The following UMPS variants were observed in gnomAD, a reference collection of about 807,000 sequenced individuals.
The protein encoded by UMPS is uridine 5'-monophosphate synthase.
UMPS carries 21 observed loss-of-function variants against 38.9 expected under a neutral mutation model. The ratio of observed to expected loss-of-function variants is 0.54; its 90% CI spans 0.38 to 0.78. The LOEUF (loss-of-function observed/expected upper bound fraction) is 0.78, where lower values mean the gene tolerates loss of function less well. Among genes scored for constraint, UMPS ranks in the 30% least tolerant of loss-of-function variants. The pLI is 0.00. For synonymous variants in UMPS, 208 were observed against 219.3 expected (o/e 0.95, Z 0.45); for missense variants, 533 against 591.6 (o/e 0.90, Z 1.03).
chr3:124,738,435 CT>C (rs2063533301), intron 3 of UMPS, 196 bp downstream of exon 3: 4 of 607,866 alleles, frequency 6.6e-6, no homozygotes, highest in Non-Finnish European at 1.2e-5. Flanking sequence ...CTGTTGACTT[CT>C]TTCTCAGGTA....
intron 2 of UMPS, 144 bp from the exon 3 acceptor site, chr3:124,737,424 A>G (rs1579130562): frequency 4.1e-6 from 3 of 731,420 alleles, no homozygotes; most frequent in East Asian, 2.6e-5. Flanking sequence ...TGTATGTGCA[A>G]CTAGCAAGTT....
chr3:124,736,292 TTAATGA>T (rs575105294), intron 2 of UMPS, among the ~76,000 whole-genome samples: 30 of 152,210 alleles, frequency 2.0e-4, no homozygotes, highest in African/African-American at 7.2e-4. Context: ...AAAAGCAATC[TTAATGA>T]TAGTAAGGAA....
Position 124,747,176 on chromosome 3 carries a change from C to T in UMPS, c.*3092C>T, listed in dbSNP as rs1184244243. ...AGTGGCTGGAACTACAGGCGTGCAC[C>T]ACCACAGCTGGTTAATTTTTAAAAT... On this transcript the variant is annotated 3_prime_UTR_variant, in exon 6 of 6. Transcript: ENST00000232607. The T allele has an allele frequency of 4.4e-6, 2 of 453,692 alleles. No individual in the cohort carries two copies. The highest frequency in any genetic ancestry group is 8.8e-6 in the Non-Finnish European group (2 of 226,588). The allele number at this position is 453,692 out of a possible 1,614,324, so 28.1% of individuals were successfully genotyped here.
In UMPS at chr3:124,744,972, A is replaced by G. The variant is rs1234228210; in HGVS notation, c.*888A>G. The G allele has an allele frequency of 1.1e-5, 5 of 453,932 alleles. No homozygotes were observed. The highest frequency in any genetic ancestry group is 8.0e-5 in the African/African-American group (4 of 49,988). The allele number at this position is 453,932 out of a possible 1,614,324, so 28.1% of individuals were successfully genotyped here. The stretch of plus-strand genomic sequence containing the variant: ...GCTCCTGAGCTAGTATCTGGCTGTT[A>G]TTTCAACAACCGGAGTTGGGGTTTG... On this transcript the variant is annotated 3_prime_UTR_variant, in exon 6 of 6. Coordinates refer to ENST00000232607, the MANE Select transcript of UMPS (RefSeq NM_000373.4).
intron 1 of UMPS, chr3:124,732,310 G>A (rs2063485306): frequency 6.5e-6 from 1 of 153,426 alleles, no homozygotes; most frequent in African/African-American, 2.4e-5. Context: ...GCGGCCAGAA[G>A]CAATAATTAA....
At chr3:124,735,297 A>T in intron 2 of UMPS, 51 bp downstream of exon 2, 1 of 1,541,786 alleles carries the variant, frequency 6.5e-7, no homozygotes, top group Non-Finnish European at 8.9e-7. Context: ...GTAACATCAT[A>T]CTCTTAGAAT....
Position 124,746,634 on chromosome 3 carries a change from A to G in UMPS, c.*2550A>G, listed in dbSNP as rs1236569863. On this transcript the variant is annotated 3_prime_UTR_variant, in exon 6 of 6. Coordinates refer to ENST00000232607, the MANE Select transcript of UMPS (RefSeq NM_000373.4). The stretch of plus-strand genomic sequence containing the variant: ...TTGTAACTCCTGGTCTTAGTGGGGA[A>G]TATAGGGACCCCATGTCTCCATGGG... The G allele has an allele frequency of 4.4e-6, 2 of 453,982 alleles. No homozygotes were observed. Among genetic ancestry groups the G allele is most frequent in the Non-Finnish European group, 8.8e-6 (2 of 226,802 alleles). 28.1% of individuals were successfully genotyped at this position (453,982 alleles called of 1,614,324 possible).
chr3:124,735,533 G>GT (rs1472335709), intron 2 of UMPS, among the ~76,000 whole-genome samples: 2 of 151,436 alleles, frequency 1.3e-5, no homozygotes, highest in Non-Finnish European at 2.9e-5. Flanking sequence ...GCAAAATGTT[G>GT]TAACAGCACA....
At chr3:124,735,292 A>G (rs1227741054) in intron 2 of UMPS, 46 bp downstream of exon 2, 4 of 1,553,922 alleles carry the variant, frequency 2.6e-6, no homozygotes, top group Non-Finnish European at 3.5e-6. Flanking sequence ...AATCTGTAAC[A>G]TCATACTCTT....
At chr3:124,735,072 T>G in intron 1 of UMPS, 21 bp from the exon 2 acceptor site, 1 of 1,607,002 alleles carries the variant, frequency 6.2e-7, no homozygotes, top group Non-Finnish European at 8.5e-7. Context: ...AAACATTGTT[T>G]ATGTGTTCAT....
chr3:124,733,168 A>G (rs896418902), intron 1 of UMPS, among the ~76,000 whole-genome samples: 1 of 152,184 alleles, frequency 6.6e-6, no homozygotes, highest in Non-Finnish European at 1.5e-5. Flanking sequence ...GTGATATTTG[A>G]CTATAGTACT....
intron 2 of UMPS, 106 bp from the exon 3 acceptor site, chr3:124,737,462 A>T: frequency 2.0e-6 from 2 of 1,024,022 alleles, no homozygotes; most frequent in African/African-American, 1.6e-5. Flanking sequence ...ATACACATAT[A>T]CTGTATGTGT....
At position 124,738,228 on chromosome 3, in the gene UMPS, A is replaced by C; in HGVS notation, c.971A>C (p.Lys324Thr). 6.2e-7 allele frequency: 1 copy of C among 1,613,962 alleles called. No homozygotes were observed. Among genetic ancestry groups the C allele is most frequent in the South Asian group, 1.1e-5 (1 of 90,988 alleles). Residue 324 changes from lysine to threonine, a missense_variant, in exon 3 of 6, where the codon AAG becomes ACG. Lys to Thr is a moderately conservative substitution (Grantham distance 78). Transcript: ENST00000232607. ...GCAGATATAGGAAACACAGTGAAAA[A>C]GCAGTATGAAGGTAAGTGTATTATT... ...KFADIGNTVKKQYEGGIFKIA... is the reference protein window; with the variant it reads ...KFADIGNTVKTQYEGGIFKIA...
chr3:124,737,667 A>C lies in UMPS; in HGVS notation c.410A>C (p.Glu137Ala). Residue 137 changes from glutamate to alanine, a missense_variant, in exon 3 of 6, where the codon GAG (glutamate) becomes GCG (alanine). By Grantham distance (107) the Glu-to-Ala change is moderately radical (BLOSUM62 -1). Coordinates refer to ENST00000232607, the MANE Select transcript of UMPS (RefSeq NM_000373.4). ...GGATCTAGTGTTTTGGAAACTGTTG[A>C]GGTTCTTCAGAAGGAGGGCTTGAAG... Reference protein sequence around the residue: ...TSGSSVLETVEVLQKEGLKVT... With the variant: ...TSGSSVLETVAVLQKEGLKVT... 6.2e-7 allele frequency: 1 copy of C among 1,614,222 alleles called. No homozygotes were observed. The highest frequency in any genetic ancestry group is 1.1e-5 in the South Asian group (1 of 91,088).
At position 124,745,200 on chromosome 3, in the gene UMPS, G is replaced by A; in HGVS notation, c.*1116G>A. The stretch of plus-strand genomic sequence containing the variant: ...AGAGAAAGCCCACATTCAAGGTGGT[G>A]TTTGAGCAGGGGCAGGGTGAGGGCT... On this transcript the variant is annotated 3_prime_UTR_variant, in exon 6 of 6. Transcript: ENST00000232607. 1 of 454,136 alleles carries A rather than the reference G, an allele frequency of 2.2e-6. No individual in the cohort carries two copies. 28.1% of individuals were successfully genotyped at this position (454,136 alleles called of 1,614,324 possible). A position where few individuals can be genotyped will look rare whatever the true frequency, so the allele number is the denominator to read the frequency against.
Position 124,744,181 on chromosome 3 carries a change from T to C in UMPS, c.*97T>C, listed in dbSNP as rs780731043. The C allele has an allele frequency of 6.8e-7, 1 of 1,461,948 alleles. No homozygotes were observed. Among genetic ancestry groups the C allele is most frequent in the African/African-American group, 1.4e-5 (1 of 71,776 alleles). 90.6% of individuals were successfully genotyped at this position (1,461,948 alleles called of 1,614,324 possible). A position where few individuals can be genotyped will look rare whatever the true frequency, so the allele number is the denominator to read the frequency against. On this transcript the variant is annotated 3_prime_UTR_variant, in exon 6 of 6. Coordinates refer to ENST00000232607, the MANE Select transcript of UMPS (RefSeq NM_000373.4). ...CTGGAAATAATCCAATTATTCCTGC[T>C]TGGATTCTTCCACAGGGCCTGTGTA...
Position 124,744,507 on chromosome 3 carries a change from C to T in UMPS, c.*423C>T, listed in dbSNP as rs1329921505. On this transcript the variant is annotated 3_prime_UTR_variant, in exon 6 of 6. Coordinates refer to ENST00000232607, the MANE Select transcript of UMPS (RefSeq NM_000373.4). ...ACGGCTCATTGCAGCCTCGACCTCC[C>T]AGGTGATCCTCCCACCTCAGCTTCC... is the stretch of plus-strand genomic sequence containing the variant. 2 of 454,130 alleles carry T rather than the reference C, an allele frequency of 4.4e-6. No individual in the cohort carries two copies. The highest frequency in any genetic ancestry group is 4.4e-6 in the Non-Finnish European group (1 of 226,804). 28.1% of individuals were successfully genotyped at this position (454,130 alleles called of 1,614,324 possible). A position where few individuals can be genotyped will look rare whatever the true frequency, so the allele number is the denominator to read the frequency against.
rs1209028593 is a variant in UMPS, at chr3:124,744,714, G to A, written c.*630G>A. On this transcript the variant is annotated 3_prime_UTR_variant, in exon 6 of 6. Transcript: ENST00000232607. ...GTGAGCCACTGTGCCCAGCCTAATT[G>A]CAGTAAGACAAAAATTCTAGGGCAC... 2.2e-6 allele frequency: 1 copy of A among 453,888 alleles called. No individual in the cohort carries two copies. Among genetic ancestry groups the A allele is most frequent in the Non-Finnish European group, 4.4e-6 (1 of 226,758 alleles). The allele number at this position is 453,888 out of a possible 1,614,324, so 28.1% of individuals were successfully genotyped here. A position where few individuals can be genotyped will look rare whatever the true frequency, so the allele number is the denominator to read the frequency against.
rs762396330 is a variant in UMPS, at chr3:124,744,812, T to C, written c.*728T>C. The C allele has an allele frequency of 1.2e-4, 55 of 454,036 alleles. 1 individual carries two copies. The highest frequency in any genetic ancestry group is 8.2e-4 in the South Asian group (53 of 64,480). 28.1% of individuals were successfully genotyped at this position (454,036 alleles called of 1,614,324 possible). On this transcript the variant is annotated 3_prime_UTR_variant, in exon 6 of 6. Coordinates refer to ENST00000232607, the MANE Select transcript of UMPS (RefSeq NM_000373.4). The stretch of plus-strand genomic sequence containing the variant: ...TCTAATGTGTTGCCCAAATAATACC[T>C]AATTGTTAGCCATTCCCCTCCATCT...
Sources: allele counts gnomAD v4.1 joint callset (sites outside exome capture counted in the v4.1 genomes callset), GRCh38; gene constraint gnomAD v4.1.1; transcripts MANE v1.5; gene names NCBI Gene and HGNC (gene_info 2026-07-23, HGNC 2026-07-21).